Variants in PALM observed in about 807,000 individuals in gnomAD.
PALM encodes the protein paralemmin, also known as paralemmin-1.
Under a neutral mutation model 30.7 loss-of-function variants are expected in PALM, and 18 were observed. The observed-to-expected ratio is 0.59, with a 90% CI of 0.41 to 0.87. The LOEUF (loss-of-function observed/expected upper bound fraction) is 0.87, where lower values mean the gene tolerates loss of function less well. Among genes scored for constraint, PALM ranks in the 40% least tolerant of loss-of-function variants. The pLI, the probability that PALM is intolerant of heterozygous loss-of-function variation, is 0.00. For synonymous variants in PALM, 286 were observed against 242.8 expected, an observed-to-expected ratio of 1.18 and a Z score of -1.66; for missense variants, 529 against 555.4, an observed-to-expected ratio of 0.95 and a Z score of 0.48.
chr19:734,906 G>A (rs552029669), intron 6 of PALM: 170 of 211,700 alleles, frequency 8.0e-4, no homozygotes, highest in Non-Finnish European at 1.2e-3. Flanking sequence ...TGACGCTGGC[G>A]TCTGAAGTGC....
In PALM at chr19:743,468, G is replaced by A. The variant is rs1052700014; in HGVS notation, c.635-2817G>A. 7.2e-5 allele frequency among the ~76,000 whole-genome samples: 11 copies of A among 152,316 alleles called. 1 individual carries two copies. The highest frequency in any genetic ancestry group is 6.8e-3 in the Middle Eastern group (2 of 294). On this transcript the variant is annotated intron_variant, in intron 8 of 8. Transcript: ENST00000338448. ...AGTGGGACACACTGAGTTCAGTTCC[G>A]CCTGATCCAGACACACCCCACCCTC...
intron 5 of PALM, among the ~76,000 whole-genome samples, chr19:731,558 G>A (rs1225087085): frequency 6.6e-6 from 1 of 150,672 alleles, no homozygotes; most frequent in East Asian, 1.9e-4. Flanking sequence ...GGAAGCAGGA[G>A]ACCCACCTGG....
intron 1 of PALM, among the ~76,000 whole-genome samples, chr19:720,657 G>A (rs1305816649): frequency 1.3e-5 from 2 of 151,024 alleles, no homozygotes; most frequent in African/African-American, 4.9e-5. Context: ...AGGGGGGCGC[G>A]TCCTGGGGAG....
intron 1 of PALM, among the ~76,000 whole-genome samples, chr19:724,321 A>ATTGT (rs920950998): frequency 1.3e-4 from 19 of 151,546 alleles, no homozygotes; most frequent in East Asian, 1.2e-3. Flanking sequence ...TCATTCATTT[A>ATTGT]TTGTTTGTTT....
chr19:710,617 C>T (rs1024139354), intron 1 of PALM, among the ~76,000 whole-genome samples: 103 of 152,118 alleles, frequency 6.8e-4, no homozygotes, highest in Middle Eastern at 3.4e-3. Context: ...CTTCCTTTCC[C>T]ACGGGGGATA....
intron 1 of PALM, among the ~76,000 whole-genome samples, chr19:710,558 G>T (rs942960006): frequency 6.6e-6 from 1 of 152,150 alleles, no homozygotes; most frequent in Non-Finnish European, 1.5e-5. Flanking sequence ...CAGAGGAGGG[G>T]TGTCAGCGAA....
At position 727,053 on chromosome 19, in the gene PALM, C is replaced by T. The variant is rs960144928; in HGVS notation, c.103C>T (p.Leu35=). Residue 35 remains leucine (L), a synonymous_variant, in exon 3 of 9, where the codon CTG becomes TTG. Coordinates refer to ENST00000338448, the MANE Select transcript of PALM (RefSeq NM_002579.3). The part of the protein sequence containing the change: ...QAEIENKRRQ[L]EDERRQLQHL... ...GGAGATCGAGAACAAGCGCCGGCAGCTGGAGGACGAGCGGAGGCAGCTGCA... is the reference window on the plus strand; with the variant it reads ...GGAGATCGAGAACAAGCGCCGGCAGTTGGAGGACGAGCGGAGGCAGCTGCA... 2.6e-6 allele frequency: 4 copies of T among 1,548,736 alleles called. No homozygotes were observed. In the African/African-American group the frequency reaches 4.1e-5, roughly 16 times the overall value.
At chr19:719,454 CTGTGCGCGCCGG>C in intron 1 of PALM, 1 of 985,232 alleles carries the variant, frequency 1.0e-6, no homozygotes, top group Non-Finnish European at 1.2e-6. Context: ...GACGGGAGGC[CTGTGCGCGCCGG>C]GGTGGGCGTC....
At chr19:713,242 A>G (rs2032143381) in intron 1 of PALM, among the ~76,000 whole-genome samples, 2 of 151,338 alleles carry the variant, frequency 1.3e-5, no homozygotes, top group African/African-American at 4.8e-5. Flanking sequence ...ATTGAGAAAC[A>G]CAGACGGTGG....
rs1449328420 is a variant in PALM at position 746,667 on chromosome 19, G to A, written c.1017G>A (p.Glu339=). 4 of 1,611,744 alleles carry A rather than the reference G, an allele frequency of 2.5e-6. No homozygotes were observed. Among genetic ancestry groups the A allele is most frequent in the African/African-American group, 1.3e-5 (1 of 74,906 alleles). ...VVIEDAAEPK[E]PAPPNGSAAE... is the part of the protein sequence containing the mutation. ...TCGAAGACGCGGCTGAGCCCAAGGA[G>A]CCTGCACCACCCAACGGCAGTGCTG... Residue 339 remains glutamate (E), a synonymous_variant, in exon 9 of 9, where the codon GAG becomes GAA. Transcript: ENST00000338448. This position sits in a 1 kb window ranked among gnomAD's most constrained non-coding sequence, Gnocchi z 7.1.
chr19:719,037 C>A, intron 1 of PALM: 1 of 817,692 alleles, frequency 1.2e-6, no homozygotes, highest in Non-Finnish European at 1.5e-6. Context: ...GACTCCCCCA[C>A]CCCCCACAAT....
intron 1 of PALM, among the ~76,000 whole-genome samples, chr19:717,678 T>C (rs1314052316): frequency 2.6e-5 from 4 of 151,396 alleles, no homozygotes; most frequent in Non-Finnish European, 4.4e-5. Flanking sequence ...TGACAGTGAG[T>C]TTCTTTAAAA....
intron 5 of PALM, among the ~76,000 whole-genome samples, chr19:733,368 C>T (rs974961753): frequency 1.3e-5 from 2 of 152,178 alleles, no homozygotes; most frequent in Non-Finnish European, 2.9e-5. Flanking sequence ...CACCCAGTGA[C>T]GTGATGAGGG....
chr19:719,862 G>A (rs1207380359), intron 1 of PALM, among the ~76,000 whole-genome samples: 3 of 152,176 alleles, frequency 2.0e-5, no homozygotes, highest in Non-Finnish European at 4.4e-5. Flanking sequence ...CCGCAGGAGG[G>A]AGCGAGCGCT....
chr19:741,131 C>A (rs1054691485), intron 8 of PALM, among the ~76,000 whole-genome samples: 4 of 151,960 alleles, frequency 2.6e-5, no homozygotes, highest in African/African-American at 9.7e-5. Flanking sequence ...AGAGTGAGAC[C>A]CTGTCTCTTA....
chr19:718,301 G>T (rs953374987), intron 1 of PALM, among the ~76,000 whole-genome samples: 1 of 152,362 alleles, frequency 6.6e-6, no homozygotes, highest in Admixed American at 6.5e-5. Context: ...CTGCAGAAAG[G>T]CCTTGGGCCT....
At chr19:740,732 C>T (rs2033163187) in intron 8 of PALM, among the ~76,000 whole-genome samples, 1 of 152,232 alleles carries the variant, frequency 6.6e-6, no homozygotes, top group Non-Finnish European at 1.5e-5. Flanking sequence ...AGCCGGGCAC[C>T]AGGTACCCAG....
intron 8 of PALM, among the ~76,000 whole-genome samples, chr19:741,393 G>C (rs1273104639): frequency 6.8e-6 from 1 of 146,404 alleles, no homozygotes; most frequent in African/African-American, 2.5e-5. Flanking sequence ...GGCTGCAGGA[G>C]TGAGGGGAGA....
At chr19:731,392 T>A (rs2032870536) in intron 5 of PALM, 147 bp downstream of exon 5, 1 of 749,062 alleles carries the variant, frequency 1.3e-6, no homozygotes, top group African/African-American at 1.8e-5. Context: ...CCGGAGCCAC[T>A]TCCCAGCTGT....
Sources: gnomAD v4.1 joint callset for allele counts (sites outside exome capture counted in the v4.1 genomes callset) on GRCh38, gnomAD v4.1.1 for gene constraint, Gnocchi (gnomAD v3.1) non-coding constraint, MANE v1.5 for transcripts, NCBI Gene and HGNC (gene_info 2026-07-23, HGNC 2026-07-21) for gene names.